TTLL9: variants seen among roughly 807,000 people sequenced by gnomAD.
The protein encoded by TTLL9 is probable tubulin polyglutamylase TTLL9.
TTLL9 carries 47 observed loss-of-function variants against 65.6 expected under a neutral mutation model. The ratio of observed to expected loss-of-function variants is 0.72; its 90% confidence interval spans 0.57 to 0.91. TTLL9 has a LOEUF of 0.91. Among genes scored for constraint, TTLL9 ranks in the 40% least tolerant of loss-of-function variants. The pLI, the probability that TTLL9 is intolerant of heterozygous loss-of-function variation, is 0.00. For missense variants in TTLL9, 537 were observed against 568.8 expected, an observed-to-expected ratio of 0.94 and a Z score of 0.57; for synonymous variants, 179 against 204.8, an observed-to-expected ratio of 0.87 and a Z score of 1.07.
chr20:31,937,156 C>T (rs2064125029), intron 12 of TTLL9, among the ~76,000 whole-genome samples: 1 of 151,056 alleles, frequency 6.6e-6, no homozygotes, highest in Non-Finnish European at 1.5e-5. Context: ...CATCTGTAAT[C>T]CCAGCACTTC....
Position 31,934,763 on chromosome 20 carries a change from ACT to A in TTLL9, c.882_883del (p.Phe295GlnfsTer21). On this transcript the variant is annotated frameshift_variant, in exon 12 of 15. Coordinates refer to ENST00000535842, the MANE Select transcript of TTLL9 (RefSeq NM_001008409.5). LOFTEE classifies it high-confidence loss of function. The stretch of plus-strand genomic sequence containing the variant: ...AACACGGGCCCGAGGCAGTGGAGAC[ACT>A]CTTCAGGGACATCGACAACATCTTT... ...SKHGPEAVET[L>X]FRDIDNIFVK... is the part of the protein sequence containing the mutation. 1.2e-6 allele frequency: 2 copies of A among 1,613,304 alleles called. No individual in the cohort carries two copies. Among genetic ancestry groups the A allele is most frequent in the Non-Finnish European group, 1.7e-6 (2 of 1,179,996 alleles).
chr20:31,876,109 G>A (rs1335827305), intron 2 of TTLL9, among the ~76,000 whole-genome samples: 1 of 152,144 alleles, frequency 6.6e-6, no homozygotes, highest in African/African-American at 2.4e-5. Flanking sequence ...TGTACATACT[G>A]ATATAAATCT....
chr20:31,883,391 T>G (rs977570824), intron 2 of TTLL9, among the ~76,000 whole-genome samples: 1 of 152,042 alleles, frequency 6.6e-6, no homozygotes, highest in African/African-American at 2.4e-5. Context: ...AGAGACAGGA[T>G]TTCACCATGT....
chr20:31,935,071 C>T (rs1330778228), intron 12 of TTLL9, among the ~76,000 whole-genome samples, 183 bp downstream of exon 12: 1 of 152,128 alleles, frequency 6.6e-6, no homozygotes, highest in Non-Finnish European at 1.5e-5. Context: ...ATCCATAGGT[C>T]ATTAGAGGAT....
chr20:31,886,377 T>C (rs2063187592), intron 2 of TTLL9, among the ~76,000 whole-genome samples: 1 of 152,196 alleles, frequency 6.6e-6, no homozygotes, highest in African/African-American at 2.4e-5. Flanking sequence ...CCAAGCTGTT[T>C]TGGACATGGT....
chr20:31,890,100 C>CCCTCCCTCCCTT (rs2063276711), intron 3 of TTLL9, among the ~76,000 whole-genome samples: 1 of 50,008 alleles, frequency 2.0e-5, no homozygotes, highest in African/African-American at 9.1e-5. Flanking sequence ...TTCTTTCCCT[C>CCCTCCCTCCCTT]CCTTCCTTCC....
At chr20:31,874,084 A>G (rs1425464481) in intron 2 of TTLL9, among the ~76,000 whole-genome samples, 1 of 152,244 alleles carries the variant, frequency 6.6e-6, no homozygotes, top group African/African-American at 2.4e-5. Context: ...CTTTCAAGTT[A>G]AAAGCCCATA....
chr20:31,910,654 C>T (rs962500590), intron 6 of TTLL9, among the ~76,000 whole-genome samples: 1 of 152,164 alleles, frequency 6.6e-6, no homozygotes, highest in African/African-American at 2.4e-5. Context: ...TGTTATAATA[C>T]CTATCACCTA....
intron 4 of TTLL9, among the ~76,000 whole-genome samples, chr20:31,902,552 T>C (rs1212739642): frequency 6.6e-6 from 1 of 152,236 alleles, no homozygotes; most frequent in Non-Finnish European, 1.5e-5. Flanking sequence ...AATATTCTGC[T>C]GTGTAGGAGT....
At chr20:31,908,750 G>A in intron 5 of TTLL9, 48 bp downstream of exon 5, 1 of 1,428,570 alleles carries the variant, frequency 7.0e-7, no homozygotes. Context: ...TCATGTCACT[G>A]GGTGTGGCCA....
At chr20:31,875,705 GT>G (rs1459578005) in intron 2 of TTLL9, among the ~76,000 whole-genome samples, 1 of 152,066 alleles carries the variant, frequency 6.6e-6, no homozygotes, top group Non-Finnish European at 1.5e-5. Flanking sequence ...TGGCCTGTGT[GT>G]TTTTCATTGG....
In TTLL9 at chr20:31,943,089, C is replaced by T; in HGVS notation, c.*68C>T. 7.0e-7 allele frequency: 1 copy of T among 1,430,412 alleles called. No homozygotes were observed. The highest frequency in any genetic ancestry group is 9.8e-7 in the Non-Finnish European group (1 of 1,017,180). The allele number at this position is 1,430,412 out of a possible 1,614,324, so 88.6% of individuals were successfully genotyped here. ...CAGGCCTCCCCCCCACTCCCAGATC[C>T]CAGCACAGCACCTCACAGCATTCGC... On this transcript the variant is annotated 3_prime_UTR_variant, in exon 15 of 15. Transcript: ENST00000535842.
rs558766870 is a variant in TTLL9, at chr20:31,877,225, G to A, written c.69+6030G>A. 7.2e-5 allele frequency among the ~76,000 whole-genome samples: 11 copies of A among 152,108 alleles called. 1 individual carries two copies. The East Asian group carries it at 1.2e-3, about 16-fold the overall frequency. ...ATGATCTCGGCTCACTGCAACCTCC[G>A]CCTCCTGGGTTCAAGTGATTCTCCT... On this transcript the variant is annotated intron_variant, in intron 2 of 14. Transcript: ENST00000535842.
chr20:31,930,001 G>A (rs185171013), intron 10 of TTLL9, among the ~76,000 whole-genome samples: 148 of 152,196 alleles, frequency 9.7e-4, no homozygotes, highest in African/African-American at 3.3e-3. Flanking sequence ...GGTGGCAGGC[G>A]CCTGTAATCC....
At chr20:31,903,105 A>G (rs1305450134) in intron 4 of TTLL9, among the ~76,000 whole-genome samples, 1 of 151,856 alleles carries the variant, frequency 6.6e-6, no homozygotes, top group Non-Finnish European at 1.5e-5. Context: ...TCTGGACTTG[A>G]GTGATCCTCC....
At chr20:31,938,263 G>A (rs868076498) in intron 13 of TTLL9, 1 of 455,630 alleles carries the variant, frequency 2.2e-6, no homozygotes, top group Non-Finnish European at 4.4e-6. Context: ...TGCTTGACCA[G>A]GTATAGTTCT....
chr20:31,879,711 G>C lies in TTLL9; in HGVS notation c.70-7485G>C, dbSNP rs184796067. 3,418 of 1,099,470 alleles carry C rather than the reference G, an allele frequency of 3.1e-3. 19 individuals are homozygous for C. The highest frequency in any genetic ancestry group is 3.4e-3 in the Non-Finnish European group (2,719 of 789,070). 68.1% of individuals were successfully genotyped at this position (1,099,470 alleles called of 1,614,324 possible). Reference sequence around the variant, plus strand: ...ACCTAGGCTGCCAGGACGCCCAATAGCCTCCAGAGGTTCTGGTGGACCAGA... The same window carrying C: ...ACCTAGGCTGCCAGGACGCCCAATACCCTCCAGAGGTTCTGGTGGACCAGA... On this transcript the variant is annotated intron_variant, in intron 2 of 14. Transcript: ENST00000535842.
chr20:31,872,731 G>A (rs191309740), intron 2 of TTLL9, among the ~76,000 whole-genome samples: 1 of 152,096 alleles, frequency 6.6e-6, no homozygotes, highest in Non-Finnish European at 1.5e-5. Flanking sequence ...GAAAAAGAGT[G>A]GAGAGAGTAT....
At chr20:31,939,104 G>A (rs1468368345) in intron 13 of TTLL9, 38 bp from the exon 14 acceptor site, 16 of 1,526,560 alleles carry the variant, frequency 1.0e-5, no homozygotes, top group Non-Finnish European at 1.4e-5. Flanking sequence ...TCTGCCAGGT[G>A]CACCTTCATT....
Sources: allele counts gnomAD v4.1 joint callset (sites outside exome capture counted in the v4.1 genomes callset), GRCh38; gene constraint gnomAD v4.1.1; transcripts MANE v1.5; gene names NCBI Gene and HGNC (gene_info 2026-07-23, HGNC 2026-07-21).